Variants in EPS8 observed in about 807,000 individuals in gnomAD.
EPS8 encodes epidermal growth factor receptor kinase substrate 8.
EPS8 carries 42 observed loss-of-function variants against 103.8 expected under a neutral mutation model. The ratio of observed to expected loss-of-function variants is 0.40; its 90% CI spans 0.32 to 0.52. The LOEUF is 0.52. EPS8 is among the 20% of genes least tolerant of loss of function. EPS8 has a pLI of 0.40. For synonymous variants in EPS8, 344 were observed against 344.6 expected (o/e 1.00, Z 0.02); for missense variants, 969 against 1,005.1 (o/e 0.96, Z 0.49).
Position 15,693,705 on chromosome 12 carries a change from T to C in EPS8, c.-21-10733A>G, listed in dbSNP as rs1591864352. On this transcript the variant is annotated intron_variant, in intron 1 of 20. Coordinates refer to ENST00000281172, the MANE Select transcript of EPS8 (RefSeq NM_004447.6). This position sits in a 1 kb window ranked among gnomAD's most constrained non-coding sequence, Gnocchi z 5.6. ...ATGCATATACCACCATGGAATACTA[T>C]GCAGCCATAAAAAGGAATGAAAACA... Among the ~76,000 whole-genome samples the C allele has an allele frequency of 6.6e-6, 1 of 152,202 alleles. No individual in the cohort carries two copies.
At chr12:15,644,398 T>A (rs997313178) in intron 15 of EPS8, among the ~76,000 whole-genome samples, 3 of 152,124 alleles carry the variant, frequency 2.0e-5, no homozygotes, top group African/African-American at 4.8e-5. Context: ...CCTTGTTCAA[T>A]TAAACTGTTA....
At position 15,666,567 on chromosome 12, in the gene EPS8, A is replaced by C. The variant is rs1171791194; in HGVS notation, c.517-45T>G. The C allele has an allele frequency of 3.6e-6, 5 of 1,380,506 alleles. No homozygotes were observed. In the African/African-American group the frequency reaches 5.7e-5, roughly 16 times the overall value. 85.5% of individuals were successfully genotyped at this position (1,380,506 alleles called of 1,614,324 possible). A position where few individuals can be genotyped will look rare whatever the true frequency, so the allele number is the denominator to read the frequency against. ...ACCTGAAAGTTTATGGATTTTTCTG[A>C]GTCTTGATATGTAGTTTAAAACAGA... is the stretch of plus-strand genomic sequence containing the variant. On this transcript the variant is annotated intron_variant, in intron 6 of 20. Transcript: ENST00000281172.
At chr12:15,679,719 C>T (rs1945971370) in intron 3 of EPS8, among the ~76,000 whole-genome samples, 1 of 152,200 alleles carries the variant, frequency 6.6e-6, no homozygotes, top group Non-Finnish European at 1.5e-5. Context: ...TTTATTATAA[C>T]AATGTGTTTA....
Position 15,701,400 on chromosome 12 carries a change from C to T in EPS8, c.-21-18428G>A, listed in dbSNP as rs918152656. ...AGACACAGGCAGACCAACACAAAAGCCCAAACTCAGTTTCTATGCTATGTC... is the reference window on the plus strand; with the variant it reads ...AGACACAGGCAGACCAACACAAAAGTCCAAACTCAGTTTCTATGCTATGTC... On this transcript the variant is annotated intron_variant, in intron 1 of 20. Coordinates refer to ENST00000281172, the MANE Select transcript of EPS8 (RefSeq NM_004447.6). This position sits in a 1 kb window ranked among gnomAD's most constrained non-coding sequence, Gnocchi z 5.1. Among the ~76,000 whole-genome samples the T allele has an allele frequency of 1.3e-5, 2 of 152,186 alleles. No homozygotes were observed. Among genetic ancestry groups the T allele is most frequent in the Non-Finnish European group, 2.9e-5 (2 of 68,028 alleles).
chr12:15,764,945 A>G lies in EPS8; in HGVS notation c.-22+24216T>C, dbSNP rs1233060117. Among the ~76,000 whole-genome samples, 1 of 152,114 alleles carries G rather than the reference A, an allele frequency of 6.6e-6. No individual in the cohort carries two copies. The highest frequency in any genetic ancestry group is 6.5e-5 in the Admixed American group (1 of 15,274). ...CTCCAAAAACAGAAGACCATTAATC[A>G]TTTTCCATTGAATTATTTTATATTG... On this transcript the variant is annotated intron_variant, in intron 1 of 20. Coordinates refer to ENST00000281172, the MANE Select transcript of EPS8 (RefSeq NM_004447.6). The surrounding 1 kb of genome is among the most constrained non-coding windows in gnomAD (Gnocchi z 4.1).
intron 6 of EPS8, among the ~76,000 whole-genome samples, chr12:15,668,968 T>C (rs1366507959): frequency 6.6e-6 from 1 of 152,212 alleles, no homozygotes; most frequent in Non-Finnish European, 1.5e-5. Context: ...TATAGCTCAC[T>C]GTAATCTCCA....
At chr12:15,664,395 T>C (rs145747206) in intron 8 of EPS8, among the ~76,000 whole-genome samples, 1,680 of 152,098 alleles carry the variant, frequency 0.011, 28 homozygotes, top group African/African-American at 0.038. Context: ...CTAAACAAAA[T>C]AGAAAACAAT....
Position 15,641,764 on chromosome 12 carries a change from C to G in EPS8, c.1635G>C (p.Arg545Ser), listed in dbSNP as rs760438360. The G allele has an allele frequency of 6.2e-7, 1 of 1,600,582 alleles. No individual in the cohort carries two copies. Among genetic ancestry groups the G allele is most frequent in the South Asian group, 1.1e-5 (1 of 89,000 alleles). ...YAKSKYDFVA[R>S]NNSELSVLKD... is the part of the protein sequence containing the mutation. ...TTAGAACCGAGAGCTCACTGTTGTTCCTTGCTACAAAGTCATACTTGGATT... is the reference window on the plus strand; with the variant it reads ...TTAGAACCGAGAGCTCACTGTTGTTGCTTGCTACAAAGTCATACTTGGATT... Residue 545 changes from arginine to serine, a missense_variant, in exon 16 of 21, where the codon AGG (arginine) becomes AGC (serine). By Grantham distance (110) the Arg-to-Ser change is moderately radical (BLOSUM62 -1). Coordinates refer to ENST00000281172, the MANE Select transcript of EPS8 (RefSeq NM_004447.6).
At chr12:15,730,331 C>G (rs1946700551) in intron 1 of EPS8, among the ~76,000 whole-genome samples, 3 of 152,116 alleles carry the variant, frequency 2.0e-5, no homozygotes, top group Admixed American at 2.0e-4. Context: ...GTGGCAGAGC[C>G]AGGTTTCAAA....
rs1015750280 is a variant in EPS8, at chr12:15,688,370, G to A, written c.-21-5398C>T. 6.6e-6 allele frequency among the ~76,000 whole-genome samples: 1 copy of A among 152,136 alleles called. No individual in the cohort carries two copies. The highest frequency in any genetic ancestry group is 1.5e-5 in the Non-Finnish European group (1 of 68,030). On this transcript the variant is annotated intron_variant, in intron 1 of 20. Coordinates refer to ENST00000281172, the MANE Select transcript of EPS8 (RefSeq NM_004447.6). This position sits in a 1 kb window ranked among gnomAD's most constrained non-coding sequence, Gnocchi z 5.1. Reference sequence around the variant, plus strand: ...ACAGAAGTGGGGAAAGGAAGTGCTGGGTAGAGGAAGGCGGGGTCACTGGTT... The same window carrying A: ...ACAGAAGTGGGGAAAGGAAGTGCTGAGTAGAGGAAGGCGGGGTCACTGGTT...
intron 1 of EPS8, among the ~76,000 whole-genome samples, chr12:15,691,040 C>A (rs956692822): frequency 6.6e-6 from 1 of 151,902 alleles, no homozygotes. Context: ...ATCTCTAGCA[C>A]CTCATCCAAC....
intron 1 of EPS8, among the ~76,000 whole-genome samples, chr12:15,786,285 C>A (rs1178309347): frequency 6.6e-6 from 1 of 151,978 alleles, no homozygotes; most frequent in Non-Finnish European, 1.5e-5. Context: ...TAATCACAGT[C>A]TAATCATGAG....
chr12:15,669,482 G>T lies in EPS8; in HGVS notation c.421C>A (p.His141Asn), dbSNP rs774199187. Residue 141 changes from histidine to asparagine, a missense_variant, in exon 6 of 21, where the codon CAT (histidine) becomes AAT (asparagine). His to Asn is a moderately conservative substitution (Grantham distance 68). Coordinates refer to ENST00000281172, the MANE Select transcript of EPS8 (RefSeq NM_004447.6). ...AGAACTGAATCATAGCTGCATGAAT[G>T]CATCACAGCTTGGCAGTGCTGGATT... ...NTIQHCQAVM[H>N]SCSYDSVLAL... 1.2e-6 allele frequency: 2 copies of T among 1,613,722 alleles called. No homozygotes were observed. The highest frequency in any genetic ancestry group is 1.7e-6 in the Non-Finnish European group (2 of 1,179,766).
intron 2 of EPS8, among the ~76,000 whole-genome samples, chr12:15,681,857 A>C (rs1040218542): frequency 6.6e-6 from 1 of 152,010 alleles, no homozygotes; most frequent in African/African-American, 2.4e-5. Context: ...GCTTTATTTG[A>C]ATTTTACTCA....
intron 15 of EPS8, among the ~76,000 whole-genome samples, chr12:15,642,371 A>G (rs772248231): frequency 2.0e-5 from 3 of 152,158 alleles, no homozygotes; most frequent in Non-Finnish European, 4.4e-5. Context: ...AAAAAGAGAT[A>G]TGCATTAAGT....
intron 15 of EPS8, among the ~76,000 whole-genome samples, chr12:15,642,973 A>C (rs1434215536): frequency 2.0e-5 from 3 of 152,340 alleles, no homozygotes; most frequent in Middle Eastern, 3.4e-3. Flanking sequence ...TAGCACATTA[A>C]AAAGAAAATT....
chr12:15,705,642 C>A (rs562089152), intron 1 of EPS8, among the ~76,000 whole-genome samples: 2 of 152,274 alleles, frequency 1.3e-5, no homozygotes, highest in Non-Finnish European at 2.9e-5. Context: ...ACTTAACACT[C>A]ATTTAAAAAG....
chr12:15,768,675 T>C (rs1030443527), intron 1 of EPS8, among the ~76,000 whole-genome samples: 9 of 151,642 alleles, frequency 5.9e-5, no homozygotes, highest in African/African-American at 1.7e-4. Context: ...TCCAACATAG[T>C]AGTGATTCGG....
At chr12:15,630,794 G>T (rs1247797891) in intron 18 of EPS8, among the ~76,000 whole-genome samples, 3 of 152,112 alleles carry the variant, frequency 2.0e-5, no homozygotes, top group Non-Finnish European at 4.4e-5. Flanking sequence ...AATCAGTCAG[G>T]GGTTTTCAAC....
Sources: allele counts gnomAD v4.1 joint callset (sites outside exome capture counted in the v4.1 genomes callset), GRCh38; gene constraint gnomAD v4.1.1; non-coding constraint Gnocchi (gnomAD v3.1); transcripts MANE v1.5; gene names NCBI Gene and HGNC (gene_info 2026-07-23, HGNC 2026-07-21).